Variants in KANSL1 observed in about 807,000 individuals in gnomAD.
The protein encoded by KANSL1 is KAT8 regulatory NSL complex subunit 1.
Under a neutral mutation model 103.6 loss-of-function variants are expected in KANSL1, and 22 were observed. The observed-to-expected ratio is 0.21, with a 90% CI of 0.15 to 0.30. The LOEUF is 0.30. KANSL1 is among the 10% of genes least tolerant of loss of function. KANSL1 has a pLI of 1.00. For missense variants in KANSL1, 1,337 were observed against 1,399.8 expected (o/e 0.96, Z 0.72); for synonymous variants, 600 against 527.6 (o/e 1.14, Z -1.88).
intron 2 of KANSL1, among the ~76,000 whole-genome samples, chr17:46,161,660 G>A (rs1279859344): frequency 6.6e-6 from 1 of 152,186 alleles, no homozygotes; most frequent in African/African-American, 2.4e-5. Flanking sequence ...CAATTCCCTG[G>A]CACATGCCCT....
At chr17:46,056,878 A>G (rs1568396280) in intron 6 of KANSL1, among the ~76,000 whole-genome samples, 1 of 152,356 alleles carries the variant, frequency 6.6e-6, no homozygotes, top group East Asian at 1.9e-4. Flanking sequence ...TGCACTGTAG[A>G]TATCTAGCAG....
At chr17:46,198,940 C>T (rs940764142) in intron 1 of KANSL1, among the ~76,000 whole-genome samples, 1 of 152,126 alleles carries the variant, frequency 6.6e-6, no homozygotes, top group African/African-American at 2.4e-5. Flanking sequence ...AGAATTTATT[C>T]TAGATATCAC....
At chr17:46,160,623 A>G (rs2045684098) in intron 2 of KANSL1, among the ~76,000 whole-genome samples, 1 of 152,240 alleles carries the variant, frequency 6.6e-6, no homozygotes, top group South Asian at 2.1e-4. Flanking sequence ...CCACAAAAGA[A>G]AATGAGTAAT....
chr17:46,169,194 G>A (rs983982318), intron 2 of KANSL1, among the ~76,000 whole-genome samples: 1 of 152,230 alleles, frequency 6.6e-6, no homozygotes, highest in East Asian at 1.9e-4. Flanking sequence ...AGTTAGTGGG[G>A]ATAATGCCAT....
At chr17:46,173,638 T>C (rs1326069260) in intron 1 of KANSL1, among the ~76,000 whole-genome samples, 1 of 152,238 alleles carries the variant, frequency 6.6e-6, no homozygotes, top group Non-Finnish European at 1.5e-5. Context: ...TGTTGACATT[T>C]GCAATCAGAG....
intron 6 of KANSL1, among the ~76,000 whole-genome samples, chr17:46,063,489 G>A (rs2078252562): frequency 6.6e-6 from 1 of 152,184 alleles, no homozygotes; most frequent in Admixed American, 6.5e-5. Context: ...AACCTAGACA[G>A]AAGGAATGGG....
intron 13 of KANSL1, among the ~76,000 whole-genome samples, chr17:46,032,780 C>T (rs1415921005): frequency 1.3e-5 from 2 of 152,076 alleles, no homozygotes; most frequent in Non-Finnish European, 2.9e-5. Flanking sequence ...CCAAGCTCCC[C>T]GGGTTGAATC....
At chr17:46,187,359 C>A (rs1273969070) in intron 1 of KANSL1, among the ~76,000 whole-genome samples, 1 of 152,214 alleles carries the variant, frequency 6.6e-6, no homozygotes, top group Admixed American at 6.5e-5. Flanking sequence ...TGATGTCACT[C>A]AAGCAACTTT....
intron 3 of KANSL1, among the ~76,000 whole-genome samples, chr17:46,084,879 CTT>C: frequency 6.6e-6 from 1 of 152,158 alleles, no homozygotes; most frequent in Non-Finnish European, 1.5e-5. Context: ...ACCTTACAAA[CTT>C]TATCACATCC....
intron 2 of KANSL1, among the ~76,000 whole-genome samples, chr17:46,128,587 G>A (rs1283578578): frequency 6.6e-6 from 1 of 152,230 alleles, no homozygotes. Context: ...TCTTTTAACA[G>A]TAGTAGAGAC....
At position 46,032,106 on chromosome 17, in the gene KANSL1, G is replaced by T. The variant is rs779686052; in HGVS notation, c.3031C>A (p.Arg1011=). The T allele has an allele frequency of 3.1e-6, 5 of 1,613,980 alleles. No individual in the cohort carries two copies. Among genetic ancestry groups the T allele is most frequent in the African/African-American group, 2.7e-5 (2 of 74,904 alleles). Residue 1011 remains arginine, a synonymous_variant, in exon 14 of 15, where the codon CGA becomes AGA. Transcript: ENST00000432791. Reference sequence around the variant, plus strand: ...CGGGTATCCTCACTGGCTAAGTGTCGCGGAGTGTCCCGAGCCACAGGGGTG... The same window carrying T: ...CGGGTATCCTCACTGGCTAAGTGTCTCGGAGTGTCCCGAGCCACAGGGGTG... ...PLTPVARDTP[R]HLASEDTRCS...
At chr17:46,133,449 T>C (rs949467780) in intron 2 of KANSL1, among the ~76,000 whole-genome samples, 4 of 152,130 alleles carry the variant, frequency 2.6e-5, no homozygotes, top group Non-Finnish European at 5.9e-5. Flanking sequence ...AATGACAACA[T>C]ACTATGAAAA....
In KANSL1 at chr17:46,038,941, G is replaced by A. The variant is rs1467977393; in HGVS notation, c.2392+86C>T. On this transcript the variant is annotated intron_variant, in intron 9 of 14. Coordinates refer to ENST00000432791, the MANE Select transcript of KANSL1 (RefSeq NM_015443.4). ...TTCCTAGAAAGTGAAGGACAAAGCT[G>A]GGGGTAATTAAGAGAAGCCTAGGCT... 16 of 1,480,638 alleles carry A rather than the reference G, an allele frequency of 1.1e-5. No individual in the cohort carries two copies. In the East Asian group the frequency reaches 3.6e-4, roughly 34 times the overall value. 91.7% of individuals were successfully genotyped at this position (1,480,638 alleles called of 1,614,324 possible). A position where few individuals can be genotyped will look rare whatever the true frequency, so the allele number is the denominator to read the frequency against.
chr17:46,182,535 G>C (rs971765777), intron 1 of KANSL1, among the ~76,000 whole-genome samples: 2 of 152,188 alleles, frequency 1.3e-5, no homozygotes. Flanking sequence ...CAATTTCCTT[G>C]GCCAACAGGG....
rs776509440 is a variant in KANSL1, at chr17:46,096,136, A to ATTCTT, written c.1290-1436_1290-1435insAAGAA. 6.8e-4 allele frequency among the ~76,000 whole-genome samples: 93 copies of ATTCTT among 137,428 alleles called. 1 individual carries two copies. Among genetic ancestry groups the ATTCTT allele is most frequent in the Middle Eastern group, 3.9e-3 (1 of 258 alleles). 90.2% of individuals were successfully genotyped at this position (137,428 alleles called of 152,430 possible). ...GCATACCCAACCATCATGATACTGT[A>ATTCTT]TTTTTTTTTTTTTTTTCCTGAGAGG... On this transcript the variant is annotated intron_variant, in intron 2 of 14. Transcript: ENST00000432791.
Position 46,046,528 on chromosome 17 carries a change from C to CAAAAAA in KANSL1, c.2020+3999_2020+4004dup, listed in dbSNP as rs58711350. ...CCTGAGTGACAGAGTGAGACTCTGT[C>CAAAAAA]AAAAAAAAAAAAAAAAAAAAAAAAA... is the stretch of plus-strand genomic sequence containing the variant. On this transcript the variant is annotated intron_variant, in intron 7 of 14. Transcript: ENST00000432791. 1.1e-3 allele frequency among the ~76,000 whole-genome samples: 38 copies of CAAAAAA among 33,176 alleles called. 7 individuals carry two copies. The East Asian group carries it at 0.012, about 10-fold the overall frequency. 21.8% of individuals were successfully genotyped at this position (33,176 alleles called of 152,430 possible).
chr17:46,179,889 C>T (rs2046699823), intron 1 of KANSL1, among the ~76,000 whole-genome samples: 2 of 151,388 alleles, frequency 1.3e-5, no homozygotes, highest in South Asian at 4.2e-4. Flanking sequence ...ATGGCGAAAC[C>T]CCATCTCTAC....
At chr17:46,070,337 G>A (rs2078529773) in intron 4 of KANSL1, among the ~76,000 whole-genome samples, 7 of 152,144 alleles carry the variant, frequency 4.6e-5, no homozygotes. Context: ...TAATATAGTT[G>A]TAGTGACTAA....
Position 46,039,753 on chromosome 17 carries a change from A to G in KANSL1, c.2152T>C (p.Ser718Pro), listed in dbSNP as rs34043286. 0.19 allele frequency: 304,544 copies of G among 1,614,026 alleles called. 32,774 individuals are homozygous for G. The highest frequency in any genetic ancestry group is 0.22 in the Non-Finnish European group (261,356 of 1,179,934). ...RAPMPGSLPD[S>P]ARKDRHKLVS... ...AATTTGTGCCTGTCCTTACGAGCTG[A>G]ATCTGGCAGACTGCCCGGCATGGGT... Residue 718 changes from serine to proline, a missense_variant, in exon 8 of 15, where the codon TCA becomes CCA. By Grantham distance (74) the Ser-to-Pro change is moderately conservative (BLOSUM62 -1). Transcript: ENST00000432791.
Sources: allele counts gnomAD v4.1 joint callset (sites outside exome capture counted in the v4.1 genomes callset), GRCh38; gene constraint gnomAD v4.1.1; transcripts MANE v1.5; gene names NCBI Gene and HGNC (gene_info 2026-07-23, HGNC 2026-07-21).